Variants in HVCN1 observed in about 807,000 individuals in gnomAD.
HVCN1 encodes the protein hydrogen voltage gated channel 1.
In HVCN1, 14 loss-of-function variants were observed where a neutral mutation model predicts 29.2. The ratio of observed to expected loss-of-function variants is 0.48; its 90% CI spans 0.32 to 0.75. The LOEUF (loss-of-function observed/expected upper bound fraction) is 0.75, where lower values mean the gene tolerates loss of function less well. Ranked by LOEUF, HVCN1 falls within the 30% of genes least tolerant of loss-of-function variation. The probability of loss-of-function intolerance (pLI) is 0.04; values close to 1 mark genes in which losing one functional copy is unlikely to be tolerated. For synonymous variants in HVCN1, 131 were observed against 133.2 expected, an observed-to-expected ratio of 0.98 and a Z score of 0.11; for missense variants, 263 against 341.8, an observed-to-expected ratio of 0.77 and a Z score of 1.82.
intron 1 of HVCN1, among the ~76,000 whole-genome samples, chr12:110,703,639 A>G (rs1399722665): frequency 6.6e-6 from 1 of 152,042 alleles, no homozygotes; most frequent in East Asian, 1.9e-4. Context: ...AGTTAAAACA[A>G]ATAAAAACGA....
At chr12:110,683,937 A>AG (rs1162705628) in intron 2 of HVCN1, among the ~76,000 whole-genome samples, 5 of 151,796 alleles carry the variant, frequency 3.3e-5, no homozygotes, top group African/African-American at 1.2e-4. Flanking sequence ...GAAAAAAAAA[A>AG]AGAGAGAGAA....
intron 3 of HVCN1, among the ~76,000 whole-genome samples, chr12:110,680,303 G>A (rs1448436242): frequency 1.3e-5 from 2 of 151,984 alleles, no homozygotes; most frequent in East Asian, 3.9e-4. Context: ...GTGTGTCCCT[G>A]GTTGTGCATT....
chr12:110,668,712 G>A (rs974374187), intron 3 of HVCN1, among the ~76,000 whole-genome samples: 1 of 152,046 alleles, frequency 6.6e-6, no homozygotes, highest in Non-Finnish European at 1.5e-5. Flanking sequence ...TTGCTGATGC[G>A]GGACACCCCC....
chr12:110,702,842 T>C (rs1285119300), intron 1 of HVCN1, among the ~76,000 whole-genome samples: 1 of 152,064 alleles, frequency 6.6e-6, no homozygotes, highest in African/African-American at 2.4e-5. Flanking sequence ...TTAGTAGAAA[T>C]ATGGTTTCTC....
chr12:110,661,253 C>G lies in HVCN1; in HGVS notation c.217G>C (p.Asp73His). ...SGEEGRAAAPDVAPAPGPAPR... is the reference protein window; with the variant it reads ...SGEEGRAAAPHVAPAPGPAPR... Reference sequence around the variant, plus strand: ...GCGGGGCCAGGGGCAGGGGCAACGTCAGGGGCTGCAGCTCTGCCTTCCTCG... The same window carrying G: ...GCGGGGCCAGGGGCAGGGGCAACGTGAGGGGCTGCAGCTCTGCCTTCCTCG... Residue 73 changes from aspartate (D) to histidine (H), a missense_variant, in exon 4 of 8, where the codon GAC becomes CAC. By Grantham distance (81) the Asp-to-His change is moderately conservative. This residue lies in a region of HVCN1 where 157 missense variants were observed against 181.3 expected (regional missense o/e 0.87). Transcript: ENST00000242607. This position sits in a 1 kb window ranked among gnomAD's most constrained non-coding sequence, Gnocchi z 6.2. 1 of 1,614,164 alleles carries G rather than the reference C, an allele frequency of 6.2e-7. No individual in the cohort carries two copies. The highest frequency in any genetic ancestry group is 8.5e-7 in the Non-Finnish European group (1 of 1,180,002).
At chr12:110,696,062 C>T (rs1480494183) in intron 2 of HVCN1, among the ~76,000 whole-genome samples, 1 of 151,482 alleles carries the variant, frequency 6.6e-6, no homozygotes, top group Non-Finnish European at 1.5e-5. Flanking sequence ...AAGCGATTCT[C>T]CTGCCTCAGC....
chr12:110,667,036 T>G (rs376273685), intron 3 of HVCN1, among the ~76,000 whole-genome samples: 2 of 152,264 alleles, frequency 1.3e-5, no homozygotes, highest in Non-Finnish European at 1.5e-5. Context: ...TCATCTCCCA[T>G]GCTGGGCTCA....
At chr12:110,653,018 C>G (rs2067865412) in intron 5 of HVCN1, among the ~76,000 whole-genome samples, 1 of 152,138 alleles carries the variant, frequency 6.6e-6, no homozygotes, top group Non-Finnish European at 1.5e-5. Context: ...CTGGACCTAA[C>G]CGTGGTGTGC....
At chr12:110,688,757 GTGAAGAAC>G (rs2069295882) in intron 1 of HVCN1, 49 bp from the exon 2 acceptor site, 1 of 152,410 alleles carries the variant, frequency 6.6e-6, no homozygotes, top group Admixed American at 6.5e-5. Context: ...TGCGCGGAGT[GTGAAGAAC>G]TGAAGGCACC....
chr12:110,651,483 T>C (rs376096473), intron 5 of HVCN1, 35 bp from the exon 6 acceptor site: 2 of 1,463,280 alleles, frequency 1.4e-6, no homozygotes, highest in African/African-American at 2.8e-5. Flanking sequence ...CAGGGGAGAT[T>C]GGGCCTCTGG....
chr12:110,700,086 C>A (rs2069548534), intron 2 of HVCN1, among the ~76,000 whole-genome samples: 1 of 152,214 alleles, frequency 6.6e-6, no homozygotes, highest in Admixed American at 6.5e-5. Flanking sequence ...AGTGGCCACA[C>A]GACACTGCTG....
At chr12:110,671,305 A>C (rs2068567310) in intron 3 of HVCN1, among the ~76,000 whole-genome samples, 1 of 152,186 alleles carries the variant, frequency 6.6e-6, no homozygotes, top group East Asian at 1.9e-4. Flanking sequence ...TGGGAGACTG[A>C]ATGAGACTCG....
At chr12:110,703,436 C>A (rs2069581219) in intron 1 of HVCN1, among the ~76,000 whole-genome samples, 1 of 151,592 alleles carries the variant, frequency 6.6e-6, no homozygotes, top group Admixed American at 6.6e-5. Context: ...TTTAAAAAAT[C>A]ATCTTGTGGC....
intron 3 of HVCN1, among the ~76,000 whole-genome samples, chr12:110,669,732 C>CAG (rs1169825348): frequency 6.6e-6 from 1 of 152,116 alleles, no homozygotes; most frequent in Non-Finnish European, 1.5e-5. Flanking sequence ...AGGGCAGAGA[C>CAG]TCTTCCTCAG....
intron 2 of HVCN1, among the ~76,000 whole-genome samples, chr12:110,685,780 C>T (rs572861331): frequency 1.1e-4 from 16 of 152,130 alleles, no homozygotes; most frequent in Non-Finnish European, 2.1e-4. Flanking sequence ...GCCTCAAGAT[C>T]CTGGACTCAA....
At chr12:110,651,540 A>T in intron 5 of HVCN1, 92 bp from the exon 6 acceptor site, 1 of 803,066 alleles carries the variant, frequency 1.2e-6, no homozygotes, top group Non-Finnish European at 2.1e-6. Context: ...CCAGCAAGAG[A>T]ATTCCTCTGG....
chr12:110,649,451 T>G lies in HVCN1; in HGVS notation c.781A>C (p.Lys261Gln), dbSNP rs749901454. The part of the protein sequence containing the change: ...EKEQEIERLN[K>Q]LLRQHGLLGE... ...AGAAGTCCATGCTGTCGCAATAGTTTGTTAAGTCTTTCAATTTCTTGTTCC... is the reference window on the plus strand; with the variant it reads ...AGAAGTCCATGCTGTCGCAATAGTTGGTTAAGTCTTTCAATTTCTTGTTCC... The change falls in exon 8 of 8, where the codon AAA becomes CAA. Residue 261 changes from lysine to glutamine, a missense_variant. Physicochemically the swap from Lys to Gln is moderately conservative, Grantham distance 53. Coordinates refer to ENST00000242607, the MANE Select transcript of HVCN1 (RefSeq NM_032369.4). The G allele has an allele frequency of 1.9e-6, 3 of 1,607,384 alleles. No homozygotes were observed. The highest frequency in any genetic ancestry group is 3.4e-5 in the Admixed American group (2 of 59,660).
chr12:110,669,976 A>G (rs762663223), intron 3 of HVCN1, among the ~76,000 whole-genome samples: 6 of 152,166 alleles, frequency 3.9e-5, no homozygotes, highest in Non-Finnish European at 8.8e-5. Context: ...GTGAGCCAAG[A>G]TTGCGCCCCT....
upstream of HVCN1, chr12:110,689,183 G>A (rs1267140979): frequency 6.5e-5 from 3 of 46,016 alleles, no homozygotes; most frequent in African/African-American, 1.7e-4. This position sits in a 1 kb window ranked among gnomAD's most constrained non-coding sequence, Gnocchi z 5.7. Flanking sequence ...GCCCCCGCCC[G>A]GGCCGCCCCC....
Sources: gnomAD v4.1 joint callset for allele counts (sites outside exome capture counted in the v4.1 genomes callset) on GRCh38, gnomAD v4.1.1 for gene constraint, gnomAD v4.1.1 regional missense constraint, Gnocchi (gnomAD v3.1) non-coding constraint, MANE v1.5 for transcripts, NCBI Gene and HGNC (gene_info 2026-07-23, HGNC 2026-07-21) for gene names.